Variants in GLCCI1 observed in about 807,000 individuals in gnomAD.
GLCCI1 encodes the protein glucocorticoid-induced transcript 1 protein.
In GLCCI1, 24 loss-of-function variants were observed where a neutral mutation model predicts 52.2. That is an observed-to-expected ratio of 0.46 (90% CI 0.33 to 0.65). GLCCI1 has a LOEUF of 0.65. Ranked by LOEUF, GLCCI1 falls within the 30% of genes least tolerant of loss-of-function variation. GLCCI1 has a pLI of 0.02. For synonymous variants in GLCCI1, 310 were observed against 276.5 expected (o/e 1.12, Z -1.20); for missense variants, 704 against 701.5 (o/e 1.00, Z -0.04).
In GLCCI1 at chr7:8,065,981, G is replaced by C. The variant is rs1452607928; in HGVS notation, c.967-4940G>C. On this transcript the variant is annotated intron_variant, in intron 5 of 7. Coordinates refer to ENST00000223145, the MANE Select transcript of GLCCI1 (RefSeq NM_138426.4). ...AATAGTTTCAGTAGGAATGGTACTA[G>C]CTCTTCTTTATACAGCTAGTAGAAT... Among the ~76,000 whole-genome samples the C allele has an allele frequency of 2.0e-5, 3 of 152,212 alleles. No homozygotes were observed. In the East Asian group the frequency reaches 5.8e-4, roughly 29 times the overall value.
chr7:8,072,112 C>T (rs570365034), intron 6 of GLCCI1, among the ~76,000 whole-genome samples: 202 of 152,232 alleles, frequency 1.3e-3, no homozygotes, highest in African/African-American at 4.6e-3. Context: ...CACAAGGCTC[C>T]CTTGCGCCTC....
intron 6 of GLCCI1, among the ~76,000 whole-genome samples, chr7:8,079,936 T>A (rs577503896): frequency 6.6e-6 from 1 of 151,728 alleles, no homozygotes; most frequent in South Asian, 2.1e-4. Context: ...ATATAGCTGA[T>A]GTCTTGGTTC....
Position 8,088,485 on chromosome 7 carries a change from A to C in GLCCI1, c.*1947A>C, listed in dbSNP as rs938117378. The C allele has an allele frequency of 2.6e-5, 4 of 152,572 alleles. No homozygotes were observed. Among genetic ancestry groups the C allele is most frequent in the Admixed American group, 2.0e-4 (3 of 15,268 alleles). The allele number at this position is 152,572 out of a possible 1,614,324, so 9.5% of individuals were successfully genotyped here. ...TTCAGCAGCAGATACCTTTAACCCT[A>C]ATAATCTCAGGCCTTGATGAAAATA... On this transcript the variant is annotated 3_prime_UTR_variant, in exon 8 of 8. Coordinates refer to ENST00000223145, the MANE Select transcript of GLCCI1 (RefSeq NM_138426.4).
At chr7:8,020,224 G>C (rs1488066385) in intron 2 of GLCCI1, among the ~76,000 whole-genome samples, 2 of 151,214 alleles carry the variant, frequency 1.3e-5, no homozygotes, top group Non-Finnish European at 2.9e-5. Context: ...CATTAGCCTA[G>C]GCCCACACAA....
intron 3 of GLCCI1, among the ~76,000 whole-genome samples, chr7:8,043,252 A>G (rs968578898): frequency 1.3e-5 from 2 of 151,908 alleles, no homozygotes; most frequent in East Asian, 3.8e-4. Flanking sequence ...CTTCATTGCT[A>G]TATTTTTTAT....
At chr7:8,079,285 G>GT (rs1208280745) in intron 6 of GLCCI1, among the ~76,000 whole-genome samples, 2 of 150,808 alleles carry the variant, frequency 1.3e-5, no homozygotes, top group African/African-American at 4.9e-5. Context: ...TCTGTTTTTT[G>GT]TTTTTTTAAA....
At chr7:7,997,760 T>C (rs1780962966) in intron 1 of GLCCI1, among the ~76,000 whole-genome samples, 1 of 151,940 alleles carries the variant, frequency 6.6e-6, no homozygotes, top group Admixed American at 6.6e-5. Context: ...AAACCCTGTC[T>C]CTACAAAAAA....
chr7:8,042,591 C>G (rs1782025182), intron 3 of GLCCI1, among the ~76,000 whole-genome samples: 1 of 152,078 alleles, frequency 6.6e-6, no homozygotes, highest in Admixed American at 6.6e-5. Context: ...TCACTTAAGC[C>G]CAGGAGTTTG....
chr7:8,060,517 G>A (rs567428073), intron 5 of GLCCI1, among the ~76,000 whole-genome samples: 4 of 152,220 alleles, frequency 2.6e-5, no homozygotes, highest in East Asian at 1.9e-4. Flanking sequence ...GGCCCTAGGC[G>A]GTCACTAATC....
intron 3 of GLCCI1, among the ~76,000 whole-genome samples, chr7:8,032,068 C>T (rs925487878): frequency 6.6e-6 from 1 of 152,016 alleles, no homozygotes; most frequent in African/African-American, 2.4e-5. Flanking sequence ...ACAATATTAT[C>T]AATCAACTTG....
In GLCCI1 at chr7:7,968,925, T is replaced by G. The variant is rs1279735037; in HGVS notation, c.-426T>G. ...CTACCCTGGTCCCCAGAAGCAGGGG[T>G]CCCGGCCCTCCTTGCAGCTGCCGGG... On this transcript the variant is annotated 5_prime_UTR_variant, in exon 1 of 8. Coordinates refer to ENST00000223145, the MANE Select transcript of GLCCI1 (RefSeq NM_138426.4). The G allele has an allele frequency of 1.3e-5, 2 of 153,904 alleles. No individual in the cohort carries two copies. The highest frequency in any genetic ancestry group is 2.9e-5 in the Non-Finnish European group (2 of 68,748). 9.5% of individuals were successfully genotyped at this position (153,904 alleles called of 1,614,324 possible). A position where few individuals can be genotyped will look rare whatever the true frequency, so the allele number is the denominator to read the frequency against.
At chr7:8,046,828 T>C (rs1782139724) in intron 3 of GLCCI1, among the ~76,000 whole-genome samples, 1 of 152,176 alleles carries the variant, frequency 6.6e-6, no homozygotes, top group Non-Finnish European at 1.5e-5. Context: ...ATAAATACCT[T>C]CAAATACAGA....
chr7:8,025,010 C>T (rs192271436), intron 3 of GLCCI1, among the ~76,000 whole-genome samples: 2 of 152,282 alleles, frequency 1.3e-5, no homozygotes, highest in East Asian at 3.9e-4. Context: ...GGGCCAACAG[C>T]TTTATTAGTC....
chr7:7,986,408 C>T (rs1047416512), intron 1 of GLCCI1, among the ~76,000 whole-genome samples: 3 of 151,946 alleles, frequency 2.0e-5, no homozygotes, highest in African/African-American at 7.3e-5. Context: ...ACCTGTAGTC[C>T]CAGCTACTCA....
intron 3 of GLCCI1, among the ~76,000 whole-genome samples, chr7:8,048,769 G>A (rs897000467): frequency 2.0e-5 from 3 of 152,106 alleles, no homozygotes; most frequent in African/African-American, 7.2e-5. Context: ...CAAGTGTCAA[G>A]AACATCAAAT....
In GLCCI1 at chr7:8,058,319, G is replaced by A. The variant is rs75120436; in HGVS notation, c.814-1777G>A. Among the ~76,000 whole-genome samples, 16 of 152,240 alleles carry A rather than the reference G, an allele frequency of 1.1e-4. No homozygotes were observed. The East Asian group carries it at 2.1e-3, about 20-fold the overall frequency. ...GGGAAGATTCAGTATTTTTCAAATAGCAATTTACCTGAAATTAATGTACAA... is the reference window on the plus strand; with the variant it reads ...GGGAAGATTCAGTATTTTTCAAATAACAATTTACCTGAAATTAATGTACAA... On this transcript the variant is annotated intron_variant, in intron 4 of 7. Transcript: ENST00000223145.
At chr7:8,021,223 C>T (rs1781478125) in intron 2 of GLCCI1, among the ~76,000 whole-genome samples, 1 of 152,112 alleles carries the variant, frequency 6.6e-6, no homozygotes, top group African/African-American at 2.4e-5. Context: ...TAAGAACTTA[C>T]ATATTATGTA....
At chr7:8,084,578 G>C (rs993598237) in intron 6 of GLCCI1, 9 of 204,642 alleles carry the variant, frequency 4.4e-5, no homozygotes, top group African/African-American at 1.9e-4. Context: ...TAAGCACATT[G>C]CCCCATCATT....
At chr7:8,064,176 C>T (rs537837329) in intron 5 of GLCCI1, among the ~76,000 whole-genome samples, 17 of 152,238 alleles carry the variant, frequency 1.1e-4, no homozygotes, top group African/African-American at 4.1e-4. Flanking sequence ...AAATCTTTGC[C>T]AGGTCCTGTG....
Sources: gnomAD v4.1 joint callset for allele counts (sites outside exome capture counted in the v4.1 genomes callset) on GRCh38, gnomAD v4.1.1 for gene constraint, MANE v1.5 for transcripts, NCBI Gene and HGNC (gene_info 2026-07-23, HGNC 2026-07-21) for gene names.